AP4S1: variants seen among roughly 807,000 people sequenced by gnomAD.
AP4S1 encodes AP-4 complex subunit sigma-1.
Under a neutral mutation model 19.8 loss-of-function variants are expected in AP4S1, and 23 were observed. The ratio of observed to expected loss-of-function variants is 1.16; its 90% CI spans 0.84 to 1.65. The LOEUF (loss-of-function observed/expected upper bound fraction) is 1.65. AP4S1 is among the 40% of genes most tolerant of loss of function. The probability of loss-of-function intolerance (pLI) is 0.00; values close to 1 mark genes in which losing one functional copy is unlikely to be tolerated. For missense variants in AP4S1, 166 were observed against 172.8 expected, an observed-to-expected ratio of 0.96 and a Z score of 0.22; for synonymous variants, 46 against 54.1, an observed-to-expected ratio of 0.85 and a Z score of 0.66.
intron 1 of AP4S1, among the ~76,000 whole-genome samples, chr14:31,055,821 T>C (rs1886078731): frequency 6.8e-6 from 1 of 146,290 alleles, no homozygotes; most frequent in African/African-American, 2.5e-5. Context: ...TATCATTTTC[T>C]TTTTTTTTTT....
At chr14:31,030,310 A>G (rs1436533932) in intron 1 of AP4S1, among the ~76,000 whole-genome samples, 2 of 152,134 alleles carry the variant, frequency 1.3e-5, no homozygotes, top group Non-Finnish European at 2.9e-5. Context: ...CTGATCAGTA[A>G]CACTGATACT....
chr14:31,084,842 C>T (rs1361168331), intron 5 of AP4S1: 2 of 1,614,046 alleles, frequency 1.2e-6, no homozygotes, highest in African/African-American at 2.7e-5. Context: ...CCAGACAGTT[C>T]ATCATTCAAA....
chr14:31,033,212 A>G (rs1301671002), intron 1 of AP4S1, among the ~76,000 whole-genome samples: 1 of 151,788 alleles, frequency 6.6e-6, no homozygotes, highest in Non-Finnish European at 1.5e-5. Context: ...GAAATGACAT[A>G]GTGTTTAATT....
intron 1 of AP4S1, among the ~76,000 whole-genome samples, chr14:31,038,096 C>T (rs1594633144): frequency 2.0e-5 from 3 of 152,176 alleles, no homozygotes; most frequent in South Asian, 2.1e-4. Context: ...TCTACTCTGA[C>T]GACTGATCTG....
chr14:31,067,085 A>G (rs1442364381), intron 2 of AP4S1, among the ~76,000 whole-genome samples: 1 of 152,040 alleles, frequency 6.6e-6, no homozygotes, highest in Non-Finnish European at 1.5e-5. Flanking sequence ...ATTGTGCACA[A>G]CTGTAGTCCC....
intron 5 of AP4S1, chr14:31,084,739 A>C (rs779794767): frequency 2.5e-6 from 4 of 1,613,960 alleles, no homozygotes; most frequent in Non-Finnish European, 3.4e-6. Flanking sequence ...TTAAGACTTC[A>C]AATTTTATGA....
At chr14:31,068,913 T>C (rs2139580537) in intron 2 of AP4S1, among the ~76,000 whole-genome samples, 1 of 152,278 alleles carries the variant, frequency 6.6e-6, no homozygotes, top group East Asian at 1.9e-4. Context: ...TGAGCAGAGA[T>C]CCCACTGGCT....
chr14:31,043,360 A>AT (rs1257826726), intron 1 of AP4S1, among the ~76,000 whole-genome samples: 1 of 152,230 alleles, frequency 6.6e-6, no homozygotes, highest in Non-Finnish European at 1.5e-5. Context: ...TACTTCAAAT[A>AT]TACTTTGAAT....
In AP4S1 at chr14:31,073,360, G is replaced by A. The variant is rs539811162; in HGVS notation, c.294+387G>A. Among the ~76,000 whole-genome samples, 51 of 131,970 alleles carry A rather than the reference G, an allele frequency of 3.9e-4. 1 individual carries two copies. The highest frequency in any genetic ancestry group is 7.6e-4 in the Non-Finnish European group (45 of 59,070). The allele number at this position is 131,970 out of a possible 152,430, so 86.6% of individuals were successfully genotyped here. A position where few individuals can be genotyped will look rare whatever the true frequency, so the allele number is the denominator to read the frequency against. On this transcript the variant is annotated intron_variant, in intron 4 of 5. Coordinates refer to ENST00000542754, the MANE Select transcript of AP4S1 (RefSeq NM_001128126.3). Reference sequence around the variant, plus strand: ...AAAAAATTAGCTGGGCGTGGTGGTGGGCGCCTGTAGTCCCAGCTACTCCGG... The same window carrying A: ...AAAAAATTAGCTGGGCGTGGTGGTGAGCGCCTGTAGTCCCAGCTACTCCGG...
chr14:31,070,081 A>G (rs918717180), intron 3 of AP4S1, 152 bp downstream of exon 3: 9 of 702,776 alleles, frequency 1.3e-5, no homozygotes, highest in Non-Finnish European at 2.3e-5. Context: ...TGCAACCTCC[A>G]CCTCCCAGGT....
At chr14:31,085,447 A>G (rs1887878913) in intron 5 of AP4S1, 1 of 986,112 alleles carries the variant, frequency 1.0e-6, no homozygotes, top group Admixed American at 6.1e-5. Flanking sequence ...CCCCACAAAT[A>G]TAGGCTAGAA....
chr14:31,062,055 G>A (rs1037485622), intron 1 of AP4S1, among the ~76,000 whole-genome samples: 5 of 152,210 alleles, frequency 3.3e-5, no homozygotes, highest in African/African-American at 1.2e-4. Flanking sequence ...ATAGCAAATA[G>A]TGATAAAGTG....
chr14:31,043,493 A>G (rs1216786331), intron 1 of AP4S1, among the ~76,000 whole-genome samples: 1 of 152,192 alleles, frequency 6.6e-6, no homozygotes, highest in Non-Finnish European at 1.5e-5. Flanking sequence ...TTAGGACTGT[A>G]GTAGGGAGAA....
At chr14:31,044,009 G>A (rs1340428311) in intron 1 of AP4S1, among the ~76,000 whole-genome samples, 1 of 152,062 alleles carries the variant, frequency 6.6e-6, no homozygotes, top group Non-Finnish European at 1.5e-5. Flanking sequence ...TGAAACAGTA[G>A]CTTAATTGTT....
intron 5 of AP4S1, among the ~76,000 whole-genome samples, chr14:31,089,671 T>C (rs1888024249): frequency 6.6e-6 from 1 of 152,224 alleles, no homozygotes; most frequent in Non-Finnish European, 1.5e-5. Context: ...TCCCAGAACT[T>C]TGGGAGGCTG....
chr14:31,029,452 G>C (rs540770321), intron 1 of AP4S1, among the ~76,000 whole-genome samples: 65 of 152,138 alleles, frequency 4.3e-4, no homozygotes, highest in Non-Finnish European at 8.7e-4. Flanking sequence ...ACTGTTTTTG[G>C]TTCCTCAAAT....
chr14:31,055,462 C>A (rs1171998965), intron 1 of AP4S1, among the ~76,000 whole-genome samples: 1 of 152,134 alleles, frequency 6.6e-6, no homozygotes, highest in Non-Finnish European at 1.5e-5. Context: ...ATTCTCACAA[C>A]AACCTAGGAA....
At chr14:31,050,600 G>C (rs1313463289) in intron 1 of AP4S1, among the ~76,000 whole-genome samples, 1 of 152,048 alleles carries the variant, frequency 6.6e-6, no homozygotes, top group Non-Finnish European at 1.5e-5. Context: ...TTGAGTATTT[G>C]GAATAATTTT....
In AP4S1 at chr14:31,073,476, C is replaced by G. The variant is rs1283684189; in HGVS notation, c.294+503C>G. On this transcript the variant is annotated intron_variant, in intron 4 of 5. Transcript: ENST00000542754. ...CTGCACTCCAGCCTGGGCAACAGAG[C>G]GAGACTCCGTCTCAGAAAAAAAAAA... Among the ~76,000 whole-genome samples the G allele has an allele frequency of 2.0e-3, 288 of 147,368 alleles. 1 individual carries two copies. Among genetic ancestry groups the G allele is most frequent in the African/African-American group, 6.5e-3 (261 of 40,438 alleles).
Sources: allele counts gnomAD v4.1 joint callset (sites outside exome capture counted in the v4.1 genomes callset), GRCh38; gene constraint gnomAD v4.1.1; transcripts MANE v1.5; gene names NCBI Gene and HGNC (gene_info 2026-07-23, HGNC 2026-07-21).